SATB1: variants seen among roughly 807,000 people sequenced by gnomAD.
The protein encoded by SATB1 is DNA-binding protein SATB1.
Under a neutral mutation model 86.9 loss-of-function variants are expected in SATB1, and 11 were observed. The ratio of observed to expected loss-of-function variants is 0.13; its 90% CI spans 0.08 to 0.21. The LOEUF (loss-of-function observed/expected upper bound fraction) is 0.21, where lower values mean the gene tolerates loss of function less well. SATB1 is among the 10% of genes least tolerant of loss of function. SATB1 has a pLI of 1.00. For missense variants in SATB1, 551 were observed against 937.6 expected (o/e 0.59, Z 5.39); for synonymous variants, 357 against 357.2 (o/e 1.00, Z 0.01).
intron 5 of SATB1, among the ~76,000 whole-genome samples, chr3:18,402,515 C>T (rs1433735432): frequency 6.6e-6 from 1 of 152,200 alleles, no homozygotes; most frequent in East Asian, 1.9e-4. Context: ...CAAATACCCT[C>T]AGAGCTCTGC....
intron 2 of SATB1, among the ~76,000 whole-genome samples, chr3:18,432,521 C>T (rs776696885): frequency 1.1e-4 from 16 of 152,094 alleles, no homozygotes; most frequent in African/African-American, 3.1e-4. Flanking sequence ...AGGCACTGGA[C>T]GAGGCATTGT....
rs57704832 is a variant in SATB1 at position 18,362,513 on chromosome 3, A to G, written c.1576-10318T>C. On this transcript the variant is annotated intron_variant, in intron 9 of 10. Transcript: ENST00000338745. ...TTCTGAGGGCTCATGTATAGTAGCA[A>G]AGTCCAACAATCTGTATTCATAATG... Among the ~76,000 whole-genome samples the G allele has an allele frequency of 4.8e-3, 738 of 152,220 alleles. 6 individuals carry two copies. Among genetic ancestry groups the G allele is most frequent in the African/African-American group, 0.017 (704 of 41,542 alleles).
chr3:18,391,787 C>T (rs550757369), intron 7 of SATB1, among the ~76,000 whole-genome samples: 16 of 152,256 alleles, frequency 1.1e-4, no homozygotes, highest in African/African-American at 3.6e-4. Context: ...ATACCCTCTG[C>T]ACCTGCTTTT....
chr3:18,386,511 G>A lies in SATB1; in HGVS notation c.1307C>T (p.Pro436Leu). Residue 436 changes from proline (P) to leucine (L), a missense_variant, in exon 8 of 11, where the codon CCG becomes CTG. Physicochemically the swap from Pro to Leu is moderately conservative, Grantham distance 98 (BLOSUM62 -3). Around this residue, in one of 8 missense-constraint regions of SATB1, gnomAD observed 110 missense variants for 212.2 expected, o/e 0.52. Transcript: ENST00000338745. This position sits in a 1 kb window ranked among gnomAD's most constrained non-coding sequence, Gnocchi z 4.5. ...GTATATTCGGTCTCTTTCAGCTTCC[G>A]GTAACTGCAAGAAATTCTGCATAGC... is the stretch of plus-strand genomic sequence containing the variant. ...LRAMQNFLQL[P>L]EAERDRIYQD... 6.2e-7 allele frequency: 1 copy of A among 1,614,054 alleles called. No individual in the cohort carries two copies. The highest frequency in any genetic ancestry group is 8.5e-7 in the Non-Finnish European group (1 of 1,180,004).
chr3:18,372,530 G>T (rs1033506710), intron 9 of SATB1, among the ~76,000 whole-genome samples: 1 of 151,950 alleles, frequency 6.6e-6, no homozygotes, highest in Non-Finnish European at 1.5e-5. Context: ...CTCTTGATAC[G>T]ACTTTTTAGC....
intron 5 of SATB1, among the ~76,000 whole-genome samples, chr3:18,401,289 A>G (rs1360380318): frequency 6.6e-6 from 1 of 152,164 alleles, no homozygotes; most frequent in Non-Finnish European, 1.5e-5. Flanking sequence ...AAGGTCAAAC[A>G]TAATAGCAGC....
rs1342222423 is a variant in SATB1 at position 18,394,800 on chromosome 3, G to C, written c.868C>G (p.His290Asp). The C allele has an allele frequency of 6.2e-7, 1 of 1,614,128 alleles. No homozygotes were observed. Among genetic ancestry groups the C allele is most frequent in the Non-Finnish European group, 8.5e-7 (1 of 1,180,016 alleles). ...GTCCGGACAGAGGGCTGGCTGCCAT[G>C]GGAGAGCTGCGCAGGGGATGGAGGC... ...EQPPSPAQLS[H>D]GSQPSVRTPL... Residue 290 changes from histidine to aspartate, a missense_variant, in exon 7 of 11, where the codon CAT (histidine) becomes GAT (aspartate). His to Asp is a moderately conservative substitution (Grantham distance 81). Around this residue, in one of 8 missense-constraint regions of SATB1, gnomAD observed 119 missense variants for 171.1 expected, o/e 0.70. Coordinates refer to ENST00000338745, the MANE Select transcript of SATB1 (RefSeq NM_002971.6). The surrounding 1 kb of genome is among the most constrained non-coding windows in gnomAD (Gnocchi z 5.9).
intron 1 of SATB1, among the ~76,000 whole-genome samples, chr3:18,423,155 T>C (rs762192770): frequency 3.9e-5 from 6 of 152,190 alleles, no homozygotes; most frequent in Non-Finnish European, 7.4e-5. Flanking sequence ...GAACTAACTA[T>C]GGTCTCAACA....
At chr3:18,401,498 T>C (rs1697264541) in intron 5 of SATB1, among the ~76,000 whole-genome samples, 1 of 152,160 alleles carries the variant, frequency 6.6e-6, no homozygotes, top group South Asian at 2.1e-4. Context: ...TTATATAAGC[T>C]ATCCAAAGCA....
chr3:18,429,414 C>T (rs1187570175), upstream of SATB1, among the ~76,000 whole-genome samples: 2 of 152,160 alleles, frequency 1.3e-5, no homozygotes, highest in Admixed American at 6.5e-5. The surrounding 1 kb of genome is among the most constrained non-coding windows in gnomAD (Gnocchi z 4.1). Flanking sequence ...TATCTGTGAC[C>T]GACATCATTA....
chr3:18,370,530 AAAAAAAG>A (rs1175893147), intron 9 of SATB1, among the ~76,000 whole-genome samples: 1 of 149,744 alleles, frequency 6.7e-6, no homozygotes, highest in African/African-American at 2.5e-5. Flanking sequence ...AAAAAAAAAA[AAAAAAAG>A]AGGAAAAACA....
At position 18,445,171 on chromosome 3, in the gene SATB1, G is replaced by T. The variant is rs1271014341; in HGVS notation, c.-25+347C>A. The stretch of plus-strand genomic sequence containing the variant: ...TGTGCGGCGCGGGCTGGCCAGCGGG[G>T]CGGCCAGGGCCCGGCCCGCCTCCCC... On this transcript the variant is annotated intron_variant, in intron 1 of 3. Coordinates refer to the SATB1 transcript ENST00000415069. 7 of 941,930 alleles carry T rather than the reference G, an allele frequency of 7.4e-6. 1 individual carries two copies. In the South Asian group the frequency reaches 2.9e-4, roughly 39 times the overall value. The allele number at this position is 941,930 out of a possible 1,614,324, so 58.3% of individuals were successfully genotyped here. A position where few individuals can be genotyped will look rare whatever the true frequency, so the allele number is the denominator to read the frequency against.
intron 8 of SATB1, 60 bp from the exon 9 acceptor site, chr3:18,378,385 T>C: frequency 1.3e-6 from 2 of 1,551,644 alleles, no homozygotes; most frequent in Non-Finnish European, 1.8e-6. Context: ...TTGAAGCTTC[T>C]CAGGCTCAGC....
Position 18,444,479 on chromosome 3 carries a change from C to T in SATB1, c.-25+1039G>A. Reference sequence around the variant, plus strand: ...GCCCTGCGCCCACGAGAGGGGAGCCCAGCCGCCCCAATAGGGGACGAGGAG... The same window carrying T: ...GCCCTGCGCCCACGAGAGGGGAGCCTAGCCGCCCCAATAGGGGACGAGGAG... On this transcript the variant is annotated intron_variant, in intron 1 of 3. Coordinates refer to the SATB1 transcript ENST00000415069. This position sits in a 1 kb window ranked among gnomAD's most constrained non-coding sequence, Gnocchi z 5.1. 1.5e-6 allele frequency: 1 copy of T among 645,200 alleles called. No homozygotes were observed. 40.0% of individuals were successfully genotyped at this position (645,200 alleles called of 1,614,324 possible). A position where few individuals can be genotyped will look rare whatever the true frequency, so the allele number is the denominator to read the frequency against.
Position 18,444,702 on chromosome 3 carries a change from G to A in SATB1, c.-25+816C>T. ...GGGCGCGCCGGCGTCGGACTTCCGA[G>A]GCGGCGGCTTCTGCCTCTCCTGCCG... On this transcript the variant is annotated intron_variant, in intron 1 of 3. Transcript: ENST00000415069. The surrounding 1 kb of genome is among the most constrained non-coding windows in gnomAD (Gnocchi z 5.1). 1.0e-6 allele frequency: 1 copy of A among 977,290 alleles called. No individual in the cohort carries two copies. The highest frequency in any genetic ancestry group is 4.7e-5 in the South Asian group (1 of 21,126). The allele number at this position is 977,290 out of a possible 1,614,324, so 60.5% of individuals were successfully genotyped here.
chr3:18,427,420 G>T (rs1354545542), upstream of SATB1, among the ~76,000 whole-genome samples: 2 of 152,070 alleles, frequency 1.3e-5, no homozygotes, highest in East Asian at 1.9e-4. Flanking sequence ...ATTTAGCCAG[G>T]CAATGTCACC....
intron 2 of SATB1, 189 bp from the exon 3 acceptor site, chr3:18,417,267 G>A (rs1455899224): frequency 1.7e-5 from 10 of 588,420 alleles, no homozygotes; most frequent in Middle Eastern, 4.4e-4. Context: ...ATTTAAAGTC[G>A]TAACAGAAAT....
chr3:18,416,440 C>G (rs972392746), intron 3 of SATB1, among the ~76,000 whole-genome samples: 1 of 152,074 alleles, frequency 6.6e-6, no homozygotes, highest in South Asian at 2.1e-4. Flanking sequence ...CATAGCCGAA[C>G]CAGTTCTAAA....
In SATB1 at chr3:18,386,635, G is replaced by A; in HGVS notation, c.1207-24C>T. The A allele has an allele frequency of 6.3e-7, 1 of 1,595,894 alleles. No individual in the cohort carries two copies. Among genetic ancestry groups the A allele is most frequent in the Non-Finnish European group, 8.6e-7 (1 of 1,163,944 alleles). On this transcript the variant is annotated intron_variant, in intron 7 of 10. Transcript: ENST00000338745. This position sits in a 1 kb window ranked among gnomAD's most constrained non-coding sequence, Gnocchi z 4.5. ...CCCTGCAAGAAATGAAAGGCACAGG[G>A]TGAGCCTGCTGCCTTGCTTTGCCTG...
Sources: gnomAD v4.1 joint callset for allele counts (sites outside exome capture counted in the v4.1 genomes callset) on GRCh38, gnomAD v4.1.1 for gene constraint, gnomAD v4.1.1 regional missense constraint, Gnocchi (gnomAD v3.1) non-coding constraint, MANE v1.5 for transcripts, NCBI Gene and HGNC (gene_info 2026-07-23, HGNC 2026-07-21) for gene names.